Variants in RALGAPA1 observed in about 807,000 individuals in gnomAD.
RALGAPA1 encodes ral GTPase-activating protein subunit alpha-1.
A neutral mutation model predicts 269.6 loss-of-function variants in RALGAPA1; 52 were observed. That is an observed-to-expected ratio of 0.19 (90% confidence interval 0.15 to 0.24). RALGAPA1 has a LOEUF of 0.24. RALGAPA1 is among the 10% of genes least tolerant of loss of function. The probability of loss-of-function intolerance (pLI) is 1.00; values close to 1 mark genes in which losing one functional copy is unlikely to be tolerated. For missense variants in RALGAPA1, 1,917 were observed against 3,013.9 expected (o/e 0.64, Z 8.52); for synonymous variants, 817 against 1,008.3 (o/e 0.81, Z 3.60).
intron 37 of RALGAPA1, among the ~76,000 whole-genome samples, chr14:35,588,982 T>C (rs570022976): frequency 1.9e-4 from 29 of 152,296 alleles, no homozygotes; most frequent in African/African-American, 6.5e-4. Context: ...AAGGACTTTA[T>C]GTTAGGTAAA....
intron 1 of RALGAPA1, among the ~76,000 whole-genome samples, chr14:35,785,168 G>A (rs2075709561): frequency 1.3e-5 from 2 of 152,142 alleles, no homozygotes; most frequent in Non-Finnish European, 2.9e-5. Context: ...TAAACATATG[G>A]TATCTGGAAA....
chr14:35,612,543 T>TC (rs71445948), intron 35 of RALGAPA1, among the ~76,000 whole-genome samples: 5 of 143,478 alleles, frequency 3.5e-5, no homozygotes, highest in East Asian at 2.0e-4. Context: ...TTCTTCTTCT[T>TC]TTTTTTTTTT....
intron 10 of RALGAPA1, among the ~76,000 whole-genome samples, chr14:35,747,377 C>T (rs1160441181): frequency 2.0e-5 from 3 of 152,154 alleles, no homozygotes; most frequent in Non-Finnish European, 2.9e-5. Context: ...TTAAAATTCC[C>T]CATGAGTATT....
At chr14:35,731,917 A>AC (rs1345061354) in intron 12 of RALGAPA1, among the ~76,000 whole-genome samples, 14 of 152,254 alleles carry the variant, frequency 9.2e-5, no homozygotes, top group African/African-American at 3.4e-4. Context: ...AAAGATCATC[A>AC]CCTAGGCACA....
intron 30 of RALGAPA1, among the ~76,000 whole-genome samples, chr14:35,653,005 C>CTTTT (rs2062945309): frequency 6.6e-6 from 1 of 152,034 alleles, no homozygotes; most frequent in Non-Finnish European, 1.5e-5. Context: ...ATACTTTATA[C>CTTTT]AGAAAAAGGC....
intron 27 of RALGAPA1, among the ~76,000 whole-genome samples, chr14:35,663,659 G>A (rs967594660): frequency 1.4e-5 from 2 of 147,898 alleles, no homozygotes; most frequent in Non-Finnish European, 3.0e-5. Flanking sequence ...GCGCAATCTC[G>A]GCTCACTGCA....
intron 16 of RALGAPA1, among the ~76,000 whole-genome samples, chr14:35,713,215 G>A (rs1046475293): frequency 6.6e-6 from 1 of 152,176 alleles, no homozygotes; most frequent in African/African-American, 2.4e-5. Flanking sequence ...TGGTGTACTG[G>A]ACCAAGATAG....
intron 39 of RALGAPA1, among the ~76,000 whole-genome samples, chr14:35,561,893 C>T (rs1419104982): frequency 1.3e-5 from 2 of 152,090 alleles, no homozygotes; most frequent in African/African-American, 4.8e-5. Context: ...GAATGTTTGT[C>T]TGCTCTTGGA....
chr14:35,561,125 G>A (rs1357762920), intron 39 of RALGAPA1, among the ~76,000 whole-genome samples: 1 of 150,364 alleles, frequency 6.7e-6, no homozygotes, highest in Non-Finnish European at 1.5e-5. Context: ...TACTTGGGAG[G>A]CTGAGGCAGG....
At chr14:35,712,663 C>T (rs1348981268) in intron 16 of RALGAPA1, among the ~76,000 whole-genome samples, 1 of 152,146 alleles carries the variant, frequency 6.6e-6, no homozygotes, top group Non-Finnish European at 1.5e-5. Context: ...CGCGCCACTG[C>T]ACCCAGCACA....
At position 35,627,944 on chromosome 14, in the gene RALGAPA1, A is replaced by G. The variant is rs550531290; in HGVS notation, c.6003T>C (p.Thr2001=). The change falls in exon 34 of 42, where the codon ACT becomes ACC. Residue 2001 remains threonine (T), a synonymous_variant. Coordinates refer to ENST00000680220, the MANE Select transcript of RALGAPA1 (RefSeq NM_001346249.2). ...SKLQPVTEVK[T]QMQHGLISIA... Reference sequence around the variant, plus strand: ...TAGAGATTAATCCATGCTGCATTTGAGTTTTCACTGGAAATAAAAAATATA... The same window carrying G: ...TAGAGATTAATCCATGCTGCATTTGGGTTTTCACTGGAAATAAAAAATATA... The G allele has an allele frequency of 4.5e-6, 7 of 1,544,672 alleles. No homozygotes were observed. The African/African-American group carries it at 6.9e-5, about 15-fold the overall frequency.
intron 31 of RALGAPA1, among the ~76,000 whole-genome samples, chr14:35,648,634 T>G (rs1353970515): frequency 6.7e-6 from 1 of 148,510 alleles, no homozygotes; most frequent in African/African-American, 2.5e-5. Context: ...AAACCCCATC[T>G]CTACTAAAAA....
intron 31 of RALGAPA1, among the ~76,000 whole-genome samples, chr14:35,641,270 G>A (rs936247039): frequency 3.9e-5 from 6 of 152,056 alleles, no homozygotes; most frequent in African/African-American, 1.4e-4. Flanking sequence ...GAGAAATAAA[G>A]GGTATGCAAA....
chr14:35,649,581 T>C (rs1274516541), intron 31 of RALGAPA1, among the ~76,000 whole-genome samples: 1 of 152,190 alleles, frequency 6.6e-6, no homozygotes, highest in Non-Finnish European at 1.5e-5. Context: ...TACTATTTTA[T>C]AGTCCCCAGA....
At chr14:35,583,406 A>C (rs1256662648) in intron 37 of RALGAPA1, among the ~76,000 whole-genome samples, 2 of 152,212 alleles carry the variant, frequency 1.3e-5, no homozygotes, top group African/African-American at 4.8e-5. Context: ...AAACCTCCAA[A>C]ACAGAAAAGC....
Position 35,603,609 on chromosome 14 carries a change from CA to C in RALGAPA1, c.7053+1976del, listed in dbSNP as rs1200026632. On this transcript the variant is annotated intron_variant, in intron 36 of 41. Transcript: ENST00000680220. ...TGGAAATAACGTAAATATCCATCAA[CA>C]GATGAATGAATAAAGAAAATGTGGT... Among the ~76,000 whole-genome samples, 7 of 152,142 alleles carry C rather than the reference CA, an allele frequency of 4.6e-5. No homozygotes were observed. The East Asian group carries it at 1.4e-3, about 29-fold the overall frequency.
chr14:35,799,549 G>T lies in RALGAPA1; in HGVS notation c.106+9181C>A, dbSNP rs182793781. 1.1e-4 allele frequency among the ~76,000 whole-genome samples: 17 copies of T among 149,062 alleles called. 1 individual carries two copies. The highest frequency in any genetic ancestry group is 1.1e-3 in the Admixed American group (16 of 14,888). On this transcript the variant is annotated intron_variant, in intron 1 of 41. Transcript: ENST00000680220. ...TGCACTCCAGCCTGGGCAACAGAGC[G>T]AGACTCGGTCCCAGAAAAAAAAAAA... is the stretch of plus-strand genomic sequence containing the variant.
chr14:35,775,557 G>A (rs1436801969), intron 2 of RALGAPA1, 78 bp downstream of exon 2: 1 of 1,479,612 alleles, frequency 6.8e-7, no homozygotes, highest in Non-Finnish European at 8.9e-7. Context: ...GAAACAATAT[G>A]TCCAACAGCC....
chr14:35,582,280 C>G (rs1429355525), intron 37 of RALGAPA1, among the ~76,000 whole-genome samples: 1 of 152,092 alleles, frequency 6.6e-6, no homozygotes, highest in African/African-American at 2.4e-5. Flanking sequence ...TAAAAAAGTT[C>G]TGGAACAAAA....
Sources: allele counts gnomAD v4.1 joint callset (sites outside exome capture counted in the v4.1 genomes callset), GRCh38; gene constraint gnomAD v4.1.1; transcripts MANE v1.5; gene names NCBI Gene and HGNC (gene_info 2026-07-23, HGNC 2026-07-21).